Variants in GRK1 observed in about 807,000 individuals in gnomAD.
GRK1 encodes G protein-coupled receptor kinase 1, also known as rhodopsin kinase GRK1.
In GRK1, 28 loss-of-function variants were observed where a neutral mutation model predicts 41.7. The observed-to-expected ratio is 0.67, with a 90% CI of 0.50 to 0.92. The LOEUF is 0.92. Among genes scored for constraint, GRK1 ranks in the 40% least tolerant of loss-of-function variants. The pLI is 0.00. For synonymous variants in GRK1, 327 were observed against 286.7 expected (o/e 1.14, Z -1.42); for missense variants, 703 against 671.2 (o/e 1.05, Z -0.52).
At chr13:113,732,795 C>A in intron 5 of GRK1, 89 bp from the exon 6 acceptor site, 1 of 1,396,844 alleles carries the variant, frequency 7.2e-7, no homozygotes, top group Non-Finnish European at 9.7e-7. Context: ...CGTGGGTGAG[C>A]GGTGGCTCTT....
chr13:113,731,812 G>A lies in GRK1; in HGVS notation c.1194+469G>A, dbSNP rs529538694. Reference sequence around the variant, plus strand: ...CTGAGGCTGGGGCTCTGGGGGACACGGAGTCGGCTCCCCCTCCCTGGACGG... The same window carrying A: ...CTGAGGCTGGGGCTCTGGGGGACACAGAGTCGGCTCCCCCTCCCTGGACGG... On this transcript the variant is annotated intron_variant, in intron 5 of 6. Coordinates refer to ENST00000335678, the MANE Select transcript of GRK1 (RefSeq NM_002929.3). This position sits in a 1 kb window ranked among gnomAD's most constrained non-coding sequence, Gnocchi z 5.6. 8.7e-4 allele frequency among the ~76,000 whole-genome samples: 133 copies of A among 152,300 alleles called. No individual in the cohort carries two copies. The highest frequency in any genetic ancestry group is 3.4e-3 in the Middle Eastern group (1 of 294).
the GRK1 span, chr13:113,650,358 G>A: frequency 7.8e-6 from 12 of 1,546,684 alleles, no homozygotes; most frequent in Non-Finnish European, 1.1e-5. This position sits in a 1 kb window ranked among gnomAD's most constrained non-coding sequence, Gnocchi z 5.0. Flanking sequence ...CTAAGTGTGA[G>A]AGGACTCAGC....
the GRK1 span, among the ~76,000 whole-genome samples, chr13:113,660,148 C>T: frequency 1.3e-5 from 2 of 152,142 alleles, no homozygotes; most frequent in African/African-American, 4.8e-5. Flanking sequence ...GAACTAGGTG[C>T]TCTATACAAA....
the GRK1 span, chr13:113,658,336 G>A: frequency 3.3e-6 from 2 of 607,644 alleles, no homozygotes; most frequent in Non-Finnish European, 5.7e-6. Context: ...GGGGCTGGGT[G>A]CAGCCCGGCT....
At position 113,667,304 on chromosome 13, in the gene GRK1, T is replaced by G. The variant is rs2049824599; in HGVS notation, c.-83T>G. On this transcript the variant is annotated 5_prime_UTR_variant, in exon 1 of 7. Transcript: ENST00000335678. The surrounding 1 kb of genome is among the most constrained non-coding windows in gnomAD (Gnocchi z 7.5). The stretch of plus-strand genomic sequence containing the variant: ...ACGGGCCACAGGCCAAGGGCAGCAG[T>G]CAGGCCTGCTCTGTCTGTGAACGCT... 8 of 1,306,772 alleles carry G rather than the reference T, an allele frequency of 6.1e-6. No individual in the cohort carries two copies. 80.9% of individuals were successfully genotyped at this position (1,306,772 alleles called of 1,614,324 possible).
the GRK1 span, chr13:113,657,954 T>A: frequency 2.9e-5 from 36 of 1,225,532 alleles, no homozygotes; most frequent in South Asian, 4.2e-4. Context: ...TCTGCTCCCC[T>A]CCTCCTGAGC....
chr13:113,733,696 CAT>C (rs759694344), intron 6 of GRK1, among the ~76,000 whole-genome samples: 15 of 104,414 alleles, frequency 1.4e-4, no homozygotes, highest in African/African-American at 2.0e-4. Context: ...TGTGTGCATA[CAT>C]GTGTGCGTGT....
chr13:113,667,418 C>A lies in GRK1; in HGVS notation c.32C>A (p.Ala11Asp), dbSNP rs1188694588. The A allele has an allele frequency of 6.3e-7, 1 of 1,596,856 alleles. No individual in the cohort carries two copies. The highest frequency in any genetic ancestry group is 8.5e-7 in the Non-Finnish European group (1 of 1,170,288). MDFGSLETVV[A>D]NSAFIAARGS... ...TTCGGGTCTTTGGAGACCGTGGTGG[C>A]CAACTCTGCCTTCATCGCCGCCCGA... The change falls in exon 1 of 7, where the codon GCC (alanine) becomes GAC (aspartate). Residue 11 changes from alanine to aspartate, a missense_variant. By Grantham distance (126) the Ala-to-Asp change is moderately radical. Coordinates refer to ENST00000335678, the MANE Select transcript of GRK1 (RefSeq NM_002929.3). The surrounding 1 kb of genome is among the most constrained non-coding windows in gnomAD (Gnocchi z 7.5).
intron 4 of GRK1, among the ~76,000 whole-genome samples, chr13:113,724,273 G>T (rs998839204): frequency 2.0e-5 from 3 of 152,222 alleles, no homozygotes; most frequent in African/African-American, 4.8e-5. Flanking sequence ...CCACGTGCCC[G>T]GCGCCTGTGT....
Position 113,734,023 on chromosome 13 carries a change from CGTGCGT to C in GRK1, c.1396+945_1396+950del, listed in dbSNP as rs1381105624. 9.5e-3 allele frequency among the ~76,000 whole-genome samples: 862 copies of C among 90,728 alleles called. 26 individuals are homozygous for C. Among genetic ancestry groups the C allele is most frequent in the African/African-American group, 0.044 (829 of 18,812 alleles). The allele number at this position is 90,728 out of a possible 152,430, so 59.5% of individuals were successfully genotyped here. On this transcript the variant is annotated intron_variant, in intron 6 of 6. Transcript: ENST00000335678. The stretch of plus-strand genomic sequence containing the variant: ...GTGTGCGTGTGCGTGCATGTGTGTG[CGTGCGT>C]GTGCGTATGTGTGTGTGCATACGTG...
chr13:113,734,014 A>G (rs1464444264), intron 6 of GRK1, among the ~76,000 whole-genome samples: 59 of 97,320 alleles, frequency 6.1e-4, no homozygotes, highest in Non-Finnish European at 9.4e-4. Flanking sequence ...GTGTGCGTGC[A>G]TGTGTGTGCG....
chr13:113,672,473 T>C (rs1163339229), intron 3 of GRK1, among the ~76,000 whole-genome samples: 1 of 144,758 alleles, frequency 6.9e-6, no homozygotes, highest in Admixed American at 6.9e-5. Context: ...CGTATGTGTG[T>C]GGTATCTGTA....
chr13:113,655,165 G>A, the GRK1 span, among the ~76,000 whole-genome samples: 1 of 152,158 alleles, frequency 6.6e-6, no homozygotes, highest in African/African-American at 2.4e-5. Flanking sequence ...TGCCCGTCTG[G>A]ACGTCCACAT....
chr13:113,654,783 A>T, the GRK1 span: 2 of 1,607,162 alleles, frequency 1.2e-6, no homozygotes, highest in Non-Finnish European at 1.7e-6. Context: ...GGCCTGTCAC[A>T]CGGCATGGGG....
At chr13:113,661,642 A>G in the GRK1 span, among the ~76,000 whole-genome samples, 1 of 152,226 alleles carries the variant, frequency 6.6e-6, no homozygotes, top group Non-Finnish European at 1.5e-5. Context: ...AACTGATAGC[A>G]GGAATAAAAT....
chr13:113,663,369 A>T (rs1469318004), upstream of GRK1, among the ~76,000 whole-genome samples: 1 of 152,258 alleles, frequency 6.6e-6, no homozygotes, highest in Non-Finnish European at 1.5e-5. Flanking sequence ...ACGTAAATGT[A>T]AATTGTAAAA....
In GRK1 at chr13:113,668,097, G is replaced by C; in HGVS notation, c.699+12G>C. On this transcript the variant is annotated intron_variant, in intron 1 of 6. Coordinates refer to ENST00000335678, the MANE Select transcript of GRK1 (RefSeq NM_002929.3). ...GGAAGGGCTACCAGGTGAGCAGCGC[G>C]ACCCGGCCAGCAGGGATGGGGTGGC... is the stretch of plus-strand genomic sequence containing the variant. 1 of 1,591,508 alleles carries C rather than the reference G, an allele frequency of 6.3e-7. No individual in the cohort carries two copies. The highest frequency in any genetic ancestry group is 1.3e-5 in the African/African-American group (1 of 74,592).
chr13:113,662,029 C>A, the GRK1 span, among the ~76,000 whole-genome samples: 1 of 152,150 alleles, frequency 6.6e-6, no homozygotes, highest in Non-Finnish European at 1.5e-5. Context: ...AAAAAGAGAA[C>A]TACAGATCAA....
chr13:113,724,321 C>T lies in GRK1; in HGVS notation c.1069+1164C>T, dbSNP rs986204723. ...CCGTGAATTTGAGTTCTTCCTCTCTCCTCCGCAGTCTTGAGGGTCCGCGTG... is the reference window on the plus strand; with the variant it reads ...CCGTGAATTTGAGTTCTTCCTCTCTTCTCCGCAGTCTTGAGGGTCCGCGTG... On this transcript the variant is annotated intron_variant, in intron 4 of 6. Coordinates refer to ENST00000335678, the MANE Select transcript of GRK1 (RefSeq NM_002929.3). Among the ~76,000 whole-genome samples, 13 of 152,356 alleles carry T rather than the reference C, an allele frequency of 8.5e-5. No homozygotes were observed. In the South Asian group the frequency reaches 1.0e-3, roughly 12 times the overall value.
Sources: allele counts gnomAD v4.1 joint callset (sites outside exome capture counted in the v4.1 genomes callset), GRCh38; gene constraint gnomAD v4.1.1; non-coding constraint Gnocchi (gnomAD v3.1); transcripts MANE v1.5; gene names NCBI Gene and HGNC (gene_info 2026-07-23, HGNC 2026-07-21).